The following STK3 variants were observed in gnomAD, a reference collection of about 807,000 sequenced individuals.
The protein encoded by STK3 is serine/threonine kinase 3, also known as serine/threonine-protein kinase 3.
In STK3, 41 loss-of-function variants were observed where a neutral mutation model predicts 58.0. The ratio of observed to expected loss-of-function variants is 0.71; its 90% CI spans 0.55 to 0.92. STK3 has a LOEUF of 0.92. STK3 is among the 40% of genes least tolerant of loss of function. The pLI is 0.00. For synonymous variants in STK3, 170 were observed against 191.0 expected (o/e 0.89, Z 0.91); for missense variants, 479 against 602.7 (o/e 0.79, Z 2.15).
intron 3 of STK3, among the ~76,000 whole-genome samples, chr8:98,853,607 C>T (rs1014732345): frequency 6.6e-6 from 1 of 152,164 alleles, no homozygotes; most frequent in African/African-American, 2.4e-5. Context: ...CCCCTGACTG[C>T]TTTTTAATCC....
intron 6 of STK3, among the ~76,000 whole-genome samples, chr8:98,605,087 T>C (rs1314452373): frequency 1.3e-5 from 2 of 152,116 alleles, no homozygotes; most frequent in African/African-American, 4.8e-5. Flanking sequence ...AACATTTTGG[T>C]CACAATTTAA....
Position 98,526,871 on chromosome 8 carries a change from G to A in STK3, c.1188C>T (p.Tyr396=). 2 of 1,597,678 alleles carry A rather than the reference G, an allele frequency of 1.3e-6. No individual in the cohort carries two copies. The highest frequency in any genetic ancestry group is 1.1e-5 in the South Asian group (1 of 88,538). The change falls in exon 10 of 11, where the codon TAC becomes TAT. Residue 396 remains tyrosine (Y), a synonymous_variant. Transcript: ENST00000419617. ...PQVQRPSFMD[Y]FDKQDFKNKS... is the part of the protein sequence containing the mutation. ...TATTCTTGAAGTCTTGCTTATCAAAGTAGTCCATGAAAGATGGTCTTTGTA... is the reference window on the plus strand; with the variant it reads ...TATTCTTGAAGTCTTGCTTATCAAAATAGTCCATGAAAGATGGTCTTTGTA...
intron 1 of STK3, among the ~76,000 whole-genome samples, chr8:98,910,452 A>G (rs1359364814): frequency 1.3e-5 from 2 of 152,246 alleles, no homozygotes; most frequent in East Asian, 3.8e-4. Flanking sequence ...TTTCAAACTA[A>G]CATGTCTTCC....
chr8:98,734,435 A>T (rs1196633672), intron 4 of STK3, among the ~76,000 whole-genome samples: 1 of 152,222 alleles, frequency 6.6e-6, no homozygotes, highest in Non-Finnish European at 1.5e-5. Context: ...ACTAGGTTGA[A>T]TGAAAACAAG....
intron 1 of STK3, among the ~76,000 whole-genome samples, chr8:98,795,099 A>T (rs1833052626): frequency 4.0e-5 from 2 of 49,644 alleles, no homozygotes; most frequent in African/African-American, 1.6e-4. Context: ...AAAAAAAAAA[A>T]AAAAATATAT....
intron 1 of STK3, among the ~76,000 whole-genome samples, chr8:98,923,890 G>A (rs576209869): frequency 6.7e-6 from 1 of 149,730 alleles, no homozygotes; most frequent in South Asian, 2.2e-4. Flanking sequence ...GACAATGATG[G>A]GAGAGAATTT....
intron 6 of STK3, among the ~76,000 whole-genome samples, chr8:98,704,553 T>C (rs1825837032): frequency 6.6e-6 from 1 of 150,772 alleles, no homozygotes; most frequent in African/African-American, 2.5e-5. Context: ...GAAAAACTGG[T>C]AGGATTTAGA....
intron 10 of STK3, among the ~76,000 whole-genome samples, chr8:98,513,164 A>T (rs551688709): frequency 2.6e-3 from 396 of 152,300 alleles, no homozygotes; most frequent in Non-Finnish European, 4.8e-3. Flanking sequence ...CACAACAAAG[A>T]CAAAAATAAT....
intron 10 of STK3, among the ~76,000 whole-genome samples, chr8:98,464,577 GA>G (rs1206427709): frequency 9.8e-6 from 1 of 102,120 alleles, no homozygotes. Flanking sequence ...AAGAAAGAAA[GA>G]AAAAAAAAGA....
chr8:98,923,854 T>TGC (rs3029998), intron 1 of STK3, among the ~76,000 whole-genome samples: 3,128 of 113,470 alleles, frequency 0.028, 57 homozygotes, highest in African/African-American at 0.053. Context: ...TGTGTGTGTG[T>TGC]GCGCGCGCGC....
intron 7 of STK3, among the ~76,000 whole-genome samples, chr8:98,583,846 T>C (rs1202648624): frequency 9.7e-6 from 1 of 103,000 alleles, no homozygotes; most frequent in Non-Finnish European, 2.2e-5. Context: ...AGAGAGTGTA[T>C]GTGTGTGTGT....
At chr8:98,826,807 T>C (rs1835330149), upstream of STK3, among the ~76,000 whole-genome samples, 1 of 116,568 alleles carries the variant, frequency 8.6e-6, no homozygotes. Flanking sequence ...GGCGGATCAC[T>C]TGAGCTCAGG....
Position 98,790,519 on chromosome 8 carries a change from A to G in STK3, c.27-15700T>C, listed in dbSNP as rs1832740984. On this transcript the variant is annotated intron_variant, in intron 1 of 10. Transcript: ENST00000419617. ...ATCAGCATACAAGGGACATACCTCA[A>G]TGTAATAAAAGACATCTATGACAAA... 2.0e-5 allele frequency among the ~76,000 whole-genome samples: 3 copies of G among 152,196 alleles called. 1 individual carries two copies. The South Asian group carries it at 6.2e-4, about 31-fold the overall frequency.
chr8:98,385,093 T>C (rs1303407339), intron 1 of STK3, among the ~76,000 whole-genome samples: 1 of 152,140 alleles, frequency 6.6e-6, no homozygotes, highest in Admixed American at 6.5e-5. Context: ...GTTTTCATCA[T>C]ACCCCTTTTC....
chr8:98,695,081 T>C (rs898854356), intron 6 of STK3, among the ~76,000 whole-genome samples: 3 of 152,248 alleles, frequency 2.0e-5, no homozygotes, highest in Admixed American at 6.5e-5. Flanking sequence ...TGGTTTTGGT[T>C]TGCATTTCTC....
chr8:98,720,692 A>G (rs1827338780), intron 4 of STK3, among the ~76,000 whole-genome samples: 1 of 146,956 alleles, frequency 6.8e-6, no homozygotes, highest in Middle Eastern at 3.3e-3. Flanking sequence ...TGGAGCTTGT[A>G]GTGAGCATAG....
chr8:98,849,991 A>G (rs925238708), intron 3 of STK3, among the ~76,000 whole-genome samples: 2 of 152,052 alleles, frequency 1.3e-5, no homozygotes, highest in Non-Finnish European at 2.9e-5. Context: ...CTATTATTCA[A>G]TCTCATAATT....
At chr8:98,784,659 C>T (rs1021241288) in intron 1 of STK3, among the ~76,000 whole-genome samples, 4 of 152,190 alleles carry the variant, frequency 2.6e-5, no homozygotes, top group African/African-American at 9.7e-5. Context: ...AGCACCCCCT[C>T]ACCTGCAACC....
intron 3 of STK3, chr8:98,426,992 C>A (rs1408847134): frequency 2.0e-5 from 3 of 150,150 alleles, no homozygotes; most frequent in East Asian, 2.0e-4. Flanking sequence ...GCGGGCGCCC[C>A]GTCACACCCG....
Sources: gnomAD v4.1 joint callset for allele counts (sites outside exome capture counted in the v4.1 genomes callset) on GRCh38, gnomAD v4.1.1 for gene constraint, MANE v1.5 for transcripts, NCBI Gene and HGNC (gene_info 2026-07-23, HGNC 2026-07-21) for gene names.